Variants in STK33 observed in about 807,000 individuals in gnomAD.
STK33 encodes serine/threonine kinase 33.
A neutral mutation model predicts 58.0 loss-of-function variants in STK33; 52 were observed. That is an observed-to-expected ratio of 0.90 (90% CI 0.72 to 1.13). STK33 has a LOEUF of 1.13. STK33 is among the 50% of genes most tolerant of loss of function. STK33 has a pLI of 0.00. For missense variants in STK33, 630 were observed against 604.2 expected, an observed-to-expected ratio of 1.04 and a Z score of -0.45; for synonymous variants, 215 against 200.1, an observed-to-expected ratio of 1.07 and a Z score of -0.63.
intron 2 of STK33, among the ~76,000 whole-genome samples, chr11:8,479,250 T>A (rs1949574298): frequency 6.6e-6 from 1 of 151,758 alleles, no homozygotes; most frequent in Non-Finnish European, 1.5e-5. Flanking sequence ...GGGGTTTTAG[T>A]AGAGAAACCC....
the STK33 span, among the ~76,000 whole-genome samples, chr11:8,371,611 TTCTC>T: frequency 8.2e-5 from 12 of 147,160 alleles, no homozygotes; most frequent in Admixed American, 4.8e-4. Flanking sequence ...TTCTCTTTCT[TTCTC>T]TTTCTTTTCC....
At chr11:8,497,914 C>T (rs1358318499) in intron 1 of STK33, among the ~76,000 whole-genome samples, 1 of 152,178 alleles carries the variant, frequency 6.6e-6, no homozygotes, top group African/African-American at 2.4e-5. Context: ...CACACACACA[C>T]AACTTTTGTA....
chr11:8,516,827 C>A (rs1019266732), intron 1 of STK33, among the ~76,000 whole-genome samples: 1 of 152,118 alleles, frequency 6.6e-6, no homozygotes, highest in Non-Finnish European at 1.5e-5. Context: ...GTAAACAAAG[C>A]GCCCTGGAAA....
At chr11:8,502,586 T>C (rs549416563) in intron 1 of STK33, among the ~76,000 whole-genome samples, 1 of 152,142 alleles carries the variant, frequency 6.6e-6, no homozygotes, top group African/African-American at 2.4e-5. Context: ...GATTTCATGA[T>C]AAAGATGCCA....
chr11:8,391,683 T>C (rs1590669051), downstream of STK33, among the ~76,000 whole-genome samples: 1 of 152,164 alleles, frequency 6.6e-6, no homozygotes, highest in African/African-American at 2.4e-5. Flanking sequence ...CTGGCAAAAT[T>C]AGTTACCCAG....
intron 1 of STK33, among the ~76,000 whole-genome samples, chr11:8,493,800 A>T (rs1374656180): frequency 1.3e-5 from 2 of 152,220 alleles, no homozygotes; most frequent in Non-Finnish European, 2.9e-5. Context: ...AACATACCCA[A>T]ATCACTATAT....
chr11:8,403,268 GAA>G (rs1274749685), intron 15 of STK33, among the ~76,000 whole-genome samples: 1 of 151,890 alleles, frequency 6.6e-6, no homozygotes, highest in East Asian at 1.9e-4. Flanking sequence ...AGAAATCAAA[GAA>G]AAAAATTTCT....
intron 1 of STK33, among the ~76,000 whole-genome samples, chr11:8,576,342 CAGTGTGTTCTT>C (rs948534233): frequency 7.9e-5 from 12 of 152,218 alleles, no homozygotes; most frequent in African/African-American, 2.9e-4. Context: ...ACATTCAAGT[CAGTGTGTTCTT>C]AGGCCTTTAA....
chr11:8,527,432 G>T (rs1954142546), intron 1 of STK33, among the ~76,000 whole-genome samples: 1 of 151,530 alleles, frequency 6.6e-6, no homozygotes, highest in Non-Finnish European at 1.5e-5. Context: ...TTTTTGCTTT[G>T]TACATTTCTC....
rs58020007 is a variant in STK33 at position 8,540,966 on chromosome 11, ATCTCTC to A, written c.-466+53111_-466+53116del. ...GCTTCACTATACTACCCATCTTACT[ATCTCTC>A]TCTCTCTCTCTCTCTCTCTCTCTAT... On this transcript the variant is annotated intron_variant, in intron 1 of 15. Transcript: ENST00000687296. Among the ~76,000 whole-genome samples, 314 of 144,022 alleles carry A rather than the reference ATCTCTC, an allele frequency of 2.2e-3. 1 individual carries two copies. Among genetic ancestry groups the A allele is most frequent in the African/African-American group, 4.5e-3 (174 of 38,858 alleles). The allele number at this position is 144,022 out of a possible 152,430, so 94.5% of individuals were successfully genotyped here. A position where few individuals can be genotyped will look rare whatever the true frequency, so the allele number is the denominator to read the frequency against.
intron 1 of STK33, among the ~76,000 whole-genome samples, chr11:8,585,588 A>G (rs1218029715): frequency 6.6e-6 from 1 of 152,046 alleles, no homozygotes; most frequent in African/African-American, 2.4e-5. Flanking sequence ...TTAATTAACT[A>G]CAAATTGTGT....
chr11:8,545,182 T>G (rs182933970), intron 1 of STK33, among the ~76,000 whole-genome samples: 1 of 152,164 alleles, frequency 6.6e-6, no homozygotes, highest in Non-Finnish European at 1.5e-5. Context: ...TGAAGCCACA[T>G]GCACTTGGAA....
At chr11:8,356,794 T>C in the STK33 span, among the ~76,000 whole-genome samples, 3 of 152,176 alleles carry the variant, frequency 2.0e-5, no homozygotes, top group African/African-American at 7.2e-5. Flanking sequence ...CCGTGACTCA[T>C]GGCTCTCAGC....
At chr11:8,396,936 G>T (rs1324380316) in intron 15 of STK33, among the ~76,000 whole-genome samples, 1 of 152,214 alleles carries the variant, frequency 6.6e-6, no homozygotes, top group African/African-American at 2.4e-5. Flanking sequence ...CCATTGCCGA[G>T]GCTTGAGTAG....
chr11:8,504,101 T>C (rs1951704574), intron 1 of STK33, among the ~76,000 whole-genome samples: 1 of 152,176 alleles, frequency 6.6e-6, no homozygotes, highest in Non-Finnish European at 1.5e-5. Context: ...TAGGAAAATT[T>C]TCCCCGCTCC....
chr11:8,512,689 CCTT>C (rs910618545), intron 1 of STK33, among the ~76,000 whole-genome samples: 2 of 152,160 alleles, frequency 1.3e-5, no homozygotes, highest in African/African-American at 4.8e-5. Context: ...ACTGTACTGT[CCTT>C]CTTAGGTTCT....
chr11:8,458,233 A>C (rs1947110742), intron 8 of STK33, among the ~76,000 whole-genome samples: 1 of 152,212 alleles, frequency 6.6e-6, no homozygotes, highest in African/African-American at 2.4e-5. Context: ...TTTGAAGGCC[A>C]TGGAGTCTCT....
intron 4 of STK33, among the ~76,000 whole-genome samples, 153 bp downstream of exon 4, chr11:8,476,534 A>G (rs1310751886): frequency 6.6e-6 from 1 of 152,114 alleles, no homozygotes; most frequent in Non-Finnish European, 1.5e-5. Flanking sequence ...TCCCTTCTCA[A>G]GGCTTTGCCC....
At chr11:8,466,295 A>G (rs1192719346) in intron 6 of STK33, 2 of 152,250 alleles carry the variant, frequency 1.3e-5, no homozygotes, top group Non-Finnish European at 2.9e-5. Flanking sequence ...CCTTCTGCCT[A>G]TGAGCCCGTA....
Sources: allele counts gnomAD v4.1 joint callset (sites outside exome capture counted in the v4.1 genomes callset), GRCh38; gene constraint gnomAD v4.1.1; transcripts MANE v1.5; gene names NCBI Gene and HGNC (gene_info 2026-07-23, HGNC 2026-07-21).